Variants in CAST observed in about 807,000 individuals in gnomAD.
CAST encodes the protein MIR583 host.
CAST carries 76 observed loss-of-function variants against 119.6 expected under a neutral mutation model. The observed-to-expected ratio is 0.64, with a 90% CI of 0.53 to 0.77. CAST has a LOEUF of 0.77. Among genes scored for constraint, CAST ranks in the 30% least tolerant of loss-of-function variants. CAST has a pLI of 0.00. For synonymous variants in CAST, 319 were observed against 331.6 expected, an observed-to-expected ratio of 0.96 and a Z score of 0.41; for missense variants, 953 against 946.5, an observed-to-expected ratio of 1.01 and a Z score of -0.09.
the CAST span, among the ~76,000 whole-genome samples, chr5:96,012,146 A>T: frequency 5.3e-5 from 8 of 152,192 alleles, no homozygotes; most frequent in Non-Finnish European, 5.9e-5. Context: ...GTTCTGTTCT[A>T]TGAATAAAAT....
the CAST span, among the ~76,000 whole-genome samples, chr5:96,091,581 C>T: frequency 1.4e-5 from 2 of 148,112 alleles, no homozygotes; most frequent in Admixed American, 1.4e-4. Flanking sequence ...TCAGGGCTCA[C>T]TGTAGCTTTG....
At chr5:96,098,662 A>G in the CAST span, among the ~76,000 whole-genome samples, 1 of 152,090 alleles carries the variant, frequency 6.6e-6, no homozygotes, top group Non-Finnish European at 1.5e-5. Context: ...TGGGTTCTCT[A>G]TTCTGCTCCA....
the CAST span, among the ~76,000 whole-genome samples, chr5:96,394,192 T>C: frequency 1.3e-5 from 2 of 152,144 alleles, no homozygotes; most frequent in African/African-American, 4.8e-5. Context: ...AACCTACCTA[T>C]TACACCTGAG....
At chr5:96,140,159 G>C in the CAST span, among the ~76,000 whole-genome samples, 4 of 152,286 alleles carry the variant, frequency 2.6e-5, no homozygotes, top group East Asian at 7.7e-4. Context: ...GAAATAGCTA[G>C]GGTTCTACTG....
chr5:96,545,379 G>T (rs564473396), intron 1 of CAST: 2 of 152,310 alleles, frequency 1.3e-5, no homozygotes, highest in South Asian at 4.1e-4. Flanking sequence ...GATATGAAAT[G>T]AAGCAATGAT....
chr5:96,769,272 A>G (rs187418772), intron 29 of CAST: 9 of 152,184 alleles, frequency 5.9e-5, no homozygotes, highest in East Asian at 3.9e-4. Context: ...ACCCCTGGTA[A>G]CTCGTAAGTA....
chr5:96,766,744 C>T (rs1432279007), intron 27 of CAST, among the ~76,000 whole-genome samples: 1 of 152,176 alleles, frequency 6.6e-6, no homozygotes, highest in Non-Finnish European at 1.5e-5. Context: ...TATTTAGTTT[C>T]TAATTTTTGA....
the CAST span, among the ~76,000 whole-genome samples, chr5:96,093,455 G>A: frequency 6.6e-6 from 1 of 152,262 alleles, no homozygotes; most frequent in Non-Finnish European, 1.5e-5. Flanking sequence ...ACAATGGGCA[G>A]GGTGGAGCAT....
At chr5:96,129,969 G>A in the CAST span, among the ~76,000 whole-genome samples, 1 of 149,966 alleles carries the variant, frequency 6.7e-6, no homozygotes, top group Non-Finnish European at 1.5e-5. Flanking sequence ...AACTATGTGA[G>A]ATTACATACA....
the CAST span, among the ~76,000 whole-genome samples, chr5:96,344,320 TG>T: frequency 6.6e-6 from 1 of 152,172 alleles, no homozygotes; most frequent in Non-Finnish European, 1.5e-5. Flanking sequence ...GTGGAATGAA[TG>T]GATGAGTAAA....
chr5:96,738,001 T>G, intron 11 of CAST, 54 bp downstream of exon 11: 1 of 1,002,302 alleles, frequency 1.0e-6, no homozygotes, highest in African/African-American at 1.6e-5. Context: ...GGAGAGCAAA[T>G]AAGGCCATGG....
chr5:96,437,487 A>G, the CAST span, among the ~76,000 whole-genome samples: 3 of 152,166 alleles, frequency 2.0e-5, no homozygotes. Flanking sequence ...GTGCTCTCAA[A>G]CATTGCCATT....
At chr5:96,682,462 G>A (rs1751548249) in intron 2 of CAST, among the ~76,000 whole-genome samples, 1 of 152,080 alleles carries the variant, frequency 6.6e-6, no homozygotes, top group Non-Finnish European at 1.5e-5. Context: ...TCCATTTCAT[G>A]AAGGTAATAC....
the CAST span, among the ~76,000 whole-genome samples, chr5:96,425,008 A>AG: frequency 2.1e-3 from 244 of 117,488 alleles, 1 homozygote; most frequent in African/African-American, 7.3e-3. Context: ...AGAAAGAAAG[A>AG]AAAGAAAGAA....
the CAST span, among the ~76,000 whole-genome samples, chr5:96,329,113 TAGC>T: frequency 6.6e-6 from 1 of 152,218 alleles, no homozygotes; most frequent in Non-Finnish European, 1.5e-5. Context: ...CTTCTATTAG[TAGC>T]AGTAATGCTT....
chr5:96,057,820 G>A, the CAST span, among the ~76,000 whole-genome samples: 1 of 152,116 alleles, frequency 6.6e-6, no homozygotes, highest in African/African-American at 2.4e-5. Context: ...TCTAGTCTGT[G>A]CAATTAAAAT....
chr5:96,041,142 A>C, the CAST span, among the ~76,000 whole-genome samples: 15 of 152,112 alleles, frequency 9.9e-5, no homozygotes, highest in African/African-American at 3.6e-4. Context: ...GCTTATAGTA[A>C]CTTCCTTCTT....
chr5:96,534,442 G>C (rs1399923711), intron 1 of CAST, among the ~76,000 whole-genome samples: 1 of 110,470 alleles, frequency 9.1e-6, no homozygotes, highest in African/African-American at 3.2e-5. Context: ...AGGCTGAGGT[G>C]GGCGGATTAC....
chr5:96,291,432 C>T, the CAST span, among the ~76,000 whole-genome samples: 1 of 152,162 alleles, frequency 6.6e-6, no homozygotes, highest in Non-Finnish European at 1.5e-5. Context: ...GTTTCATGGT[C>T]CTCCATTCTA....
Sources: allele counts gnomAD v4.1 joint callset (sites outside exome capture counted in the v4.1 genomes callset), GRCh38; gene constraint gnomAD v4.1.1; transcripts MANE v1.5; gene names NCBI Gene and HGNC (gene_info 2026-07-23, HGNC 2026-07-21).